Variants in FLRT2 observed in about 807,000 individuals in gnomAD.
FLRT2 encodes the protein fibronectin leucine rich transmembrane protein 2, also known as leucine-rich repeat transmembrane protein FLRT2.
FLRT2 carries 15 observed loss-of-function variants against 40.0 expected under a neutral mutation model. The observed-to-expected ratio is 0.38, with a 90% CI of 0.25 to 0.58. FLRT2 has a LOEUF of 0.58. Among genes scored for constraint, FLRT2 ranks in the 20% least tolerant of loss-of-function variants. The pLI is 0.71. For missense variants in FLRT2, 726 were observed against 840.0 expected, an observed-to-expected ratio of 0.86 and a Z score of 1.68; for synonymous variants, 380 against 336.8, an observed-to-expected ratio of 1.13 and a Z score of -1.41.
chr14:85,605,161 C>T (rs1010526609), intron 1 of FLRT2, among the ~76,000 whole-genome samples: 1 of 152,170 alleles, frequency 6.6e-6, no homozygotes, highest in African/African-American at 2.4e-5. Flanking sequence ...CCCACACCCC[C>T]TCTTCCTATT....
At chr14:85,617,586 C>T (rs1330143122) in intron 1 of FLRT2, among the ~76,000 whole-genome samples, 2 of 151,978 alleles carry the variant, frequency 1.3e-5, no homozygotes, top group Non-Finnish European at 2.9e-5. Context: ...TCAGTAGGAA[C>T]CACAGCTGGA....
At chr14:85,535,036 T>C (rs761502) in intron 1 of FLRT2, among the ~76,000 whole-genome samples, 147,242 of 152,288 alleles carry the variant, frequency 0.97, 71,226 homozygotes, top group Middle Eastern at 1. Flanking sequence ...TAACCAAGTG[T>C]AAGGCACAAA....
Position 85,634,090 on chromosome 14 carries a change from A to C in FLRT2, c.*10593A>C, listed in dbSNP as rs1893946613. On this transcript the variant is annotated 3_prime_UTR_variant, in exon 2 of 2. Coordinates refer to ENST00000330753, the MANE Select transcript of FLRT2 (RefSeq NM_013231.6). ...GGCATGCATCCTCTTCAGCTGGATCACGTTGTTTTCTTTCTGTACACTTTG... is the reference window on the plus strand; with the variant it reads ...GGCATGCATCCTCTTCAGCTGGATCCCGTTGTTTTCTTTCTGTACACTTTG... The C allele has an allele frequency of 6.6e-6, 1 of 152,192 alleles. No homozygotes were observed. Among genetic ancestry groups the C allele is most frequent in the South Asian group, 2.1e-4 (1 of 4,826 alleles). 9.4% of individuals were successfully genotyped at this position (152,192 alleles called of 1,614,324 possible). A position where few individuals can be genotyped will look rare whatever the true frequency, so the allele number is the denominator to read the frequency against.
At chr14:85,563,879 T>C (rs1890488438) in intron 1 of FLRT2, among the ~76,000 whole-genome samples, 1 of 152,228 alleles carries the variant, frequency 6.6e-6, no homozygotes, top group African/African-American at 2.4e-5. Flanking sequence ...GTGGAGACCA[T>C]GAGTATGTCT....
Position 85,539,682 on chromosome 14 carries a change from A to G in FLRT2, c.-377+9148A>G, listed in dbSNP as rs868786918. Among the ~76,000 whole-genome samples the G allele has an allele frequency of 1.1e-4, 17 of 152,280 alleles. 1 individual carries two copies. Among genetic ancestry groups the G allele is most frequent in the South Asian group, 6.2e-4 (3 of 4,824 alleles). On this transcript the variant is annotated intron_variant, in intron 1 of 1. Coordinates refer to ENST00000330753, the MANE Select transcript of FLRT2 (RefSeq NM_013231.6). ...CAGAGTTGTTGAGAGGTCACATAAGATTAATGTGTGTGAAAATACCTTGAT... is the reference window on the plus strand; with the variant it reads ...CAGAGTTGTTGAGAGGTCACATAAGGTTAATGTGTGTGAAAATACCTTGAT...
rs1246139947 is a variant in FLRT2 at position 85,637,384 on chromosome 14, T to G, written c.*13887T>G. 1 of 152,204 alleles carries G rather than the reference T, an allele frequency of 6.6e-6. No homozygotes were observed. Among genetic ancestry groups the G allele is most frequent in the Non-Finnish European group, 1.5e-5 (1 of 68,026 alleles). 9.4% of individuals were successfully genotyped at this position (152,204 alleles called of 1,614,324 possible). On this transcript the variant is annotated 3_prime_UTR_variant, in exon 2 of 2. Coordinates refer to ENST00000330753, the MANE Select transcript of FLRT2 (RefSeq NM_013231.6). ...CAGCTGTGTTCTCCAGTCAAAAAACTTCACCTCTTTAATGTTTGGTTTCAT... is the reference window on the plus strand; with the variant it reads ...CAGCTGTGTTCTCCAGTCAAAAAACGTCACCTCTTTAATGTTTGGTTTCAT...
chr14:85,622,092 C>T lies in FLRT2; in HGVS notation c.578C>T (p.Ala193Val), dbSNP rs1422106529. The change falls in exon 2 of 2, where the codon GCT (alanine) becomes GTT (valine). Residue 193 changes from alanine to valine, a missense_variant. Physicochemically the swap from Ala to Val is moderately conservative, Grantham distance 64 (BLOSUM62 0). Transcript: ENST00000330753. ...QELRVDENRI[A>V]VISDMAFQNL... ...CTGAGAGTGGATGAAAATCGAATTG[C>T]TGTCATATCCGACATGGCCTTCCAG... The T allele has an allele frequency of 6.2e-7, 1 of 1,614,146 alleles. No homozygotes were observed. The highest frequency in any genetic ancestry group is 2.2e-5 in the East Asian group (1 of 44,872).
rs1041210910 is a variant in FLRT2, at chr14:85,622,578, T to C, written c.1064T>C (p.Met355Thr). 1.2e-6 allele frequency: 2 copies of C among 1,613,552 alleles called. No individual in the cohort carries two copies. The highest frequency in any genetic ancestry group is 1.7e-6 in the Non-Finnish European group (2 of 1,179,934). The change falls in exon 2 of 2, where the codon ATG becomes ACG. Residue 355 changes from methionine (M) to threonine (T), a missense_variant. Met to Thr is a moderately conservative substitution (Grantham distance 81). Coordinates refer to ENST00000330753, the MANE Select transcript of FLRT2 (RefSeq NM_013231.6). The part of the protein sequence containing the change: ...VRGMAVRELN[M>T]NLLSCPTTTP... ...GGGATGGCCGTCAGGGAATTAAATATGAATCTTTTGTCCTGTCCCACCACG... is the reference window on the plus strand; with the variant it reads ...GGGATGGCCGTCAGGGAATTAAATACGAATCTTTTGTCCTGTCCCACCACG...
rs1894443340 is a variant in FLRT2, at chr14:85,651,966, T to C, written c.*28469T>C. ...TATGCTTTCCCACTAGGGCTGGGGC[T>C]AATGGAAAATACATCTTAAAAAGTC... On this transcript the variant is annotated 3_prime_UTR_variant, in exon 2 of 2. Transcript: ENST00000330753. 6.6e-6 allele frequency: 1 copy of C among 152,070 alleles called. No homozygotes were observed. The highest frequency in any genetic ancestry group is 1.9e-4 in the East Asian group (1 of 5,194). The allele number at this position is 152,070 out of a possible 1,614,324, so 9.4% of individuals were successfully genotyped here. A position where few individuals can be genotyped will look rare whatever the true frequency, so the allele number is the denominator to read the frequency against.
intron 1 of FLRT2, among the ~76,000 whole-genome samples, chr14:85,615,114 G>A (rs1349382228): frequency 2.0e-5 from 3 of 152,148 alleles, no homozygotes; most frequent in African/African-American, 7.2e-5. Flanking sequence ...TCCAAACACC[G>A]TGCAGGCAGT....
chr14:85,597,619 C>T (rs967549195), intron 1 of FLRT2, among the ~76,000 whole-genome samples: 3 of 152,172 alleles, frequency 2.0e-5, no homozygotes, highest in Non-Finnish European at 2.9e-5. Context: ...TGCAATGGCA[C>T]GATCTCGACT....
At position 85,645,539 on chromosome 14, in the gene FLRT2, T is replaced by C. The variant is rs749834193; in HGVS notation, c.*22042T>C. On this transcript the variant is annotated 3_prime_UTR_variant, in exon 2 of 2. Coordinates refer to ENST00000330753, the MANE Select transcript of FLRT2 (RefSeq NM_013231.6). ...CTCTGCTTGGAAACAAAGGTTTCAC[T>C]AAGCATGGATACAATTTGGATCATT... The C allele has an allele frequency of 6.6e-6, 1 of 152,148 alleles. No individual in the cohort carries two copies. The highest frequency in any genetic ancestry group is 1.5e-5 in the Non-Finnish European group (1 of 68,024). The allele number at this position is 152,148 out of a possible 1,614,324, so 9.4% of individuals were successfully genotyped here.
chr14:85,573,940 T>G (rs1190836078), intron 1 of FLRT2, among the ~76,000 whole-genome samples: 1 of 152,234 alleles, frequency 6.6e-6, no homozygotes, highest in African/African-American at 2.4e-5. Flanking sequence ...TTTCTTTTGA[T>G]TAGTCTGAGT....
chr14:85,559,646 T>A (rs1890185662), intron 1 of FLRT2, among the ~76,000 whole-genome samples: 1 of 152,174 alleles, frequency 6.6e-6, no homozygotes, highest in South Asian at 2.1e-4. Flanking sequence ...CACACTTTTT[T>A]TTAACCTCAT....
chr14:85,592,689 T>C (rs1375673397), intron 1 of FLRT2, among the ~76,000 whole-genome samples: 1 of 147,370 alleles, frequency 6.8e-6, no homozygotes, highest in Non-Finnish European at 1.5e-5. Flanking sequence ...CTCAGGAGGC[T>C]GAGGCAGGAG....
chr14:85,554,312 A>G (rs892384733), intron 1 of FLRT2, among the ~76,000 whole-genome samples: 1 of 152,254 alleles, frequency 6.6e-6, no homozygotes, highest in African/African-American at 2.4e-5. Context: ...ATAAACATTT[A>G]TCAGTGAGTC....
Position 85,649,991 on chromosome 14 carries a change from G to A in FLRT2, c.*26494G>A, listed in dbSNP as rs915527333. On this transcript the variant is annotated 3_prime_UTR_variant, in exon 2 of 2. Coordinates refer to ENST00000330753, the MANE Select transcript of FLRT2 (RefSeq NM_013231.6). Reference sequence around the variant, plus strand: ...AGAAAGTAATACAAGGAACACTCATGTACACATCAACCAGCTTTGTCTGAA... The same window carrying A: ...AGAAAGTAATACAAGGAACACTCATATACACATCAACCAGCTTTGTCTGAA... 6.6e-6 allele frequency: 1 copy of A among 151,920 alleles called. No homozygotes were observed. The highest frequency in any genetic ancestry group is 6.6e-5 in the Admixed American group (1 of 15,210). 9.4% of individuals were successfully genotyped at this position (151,920 alleles called of 1,614,324 possible). A position where few individuals can be genotyped will look rare whatever the true frequency, so the allele number is the denominator to read the frequency against.
At chr14:85,564,000 TTTGACACTTAC>T in intron 1 of FLRT2, among the ~76,000 whole-genome samples, 1 of 152,266 alleles carries the variant, frequency 6.6e-6, no homozygotes, top group East Asian at 1.9e-4. Flanking sequence ...GGCCCCTACA[TTTGACACTTAC>T]GTGGACAGCC....
intron 1 of FLRT2, among the ~76,000 whole-genome samples, chr14:85,604,680 T>C (rs964585055): frequency 3.3e-4 from 50 of 152,158 alleles, no homozygotes; most frequent in Non-Finnish European, 1.2e-4. Flanking sequence ...GTTGTTGTTC[T>C]TATTGTTTTT....
Sources: allele counts gnomAD v4.1 joint callset (sites outside exome capture counted in the v4.1 genomes callset), GRCh38; gene constraint gnomAD v4.1.1; transcripts MANE v1.5; gene names NCBI Gene and HGNC (gene_info 2026-07-23, HGNC 2026-07-21).